Variants in CDYL observed in about 807,000 individuals in gnomAD.
CDYL encodes chromodomain Y like.
CDYL carries 8 observed loss-of-function variants against 47.3 expected under a neutral mutation model. That is an observed-to-expected ratio of 0.17 (90% CI 0.10 to 0.31). The LOEUF is 0.31. Ranked by LOEUF, CDYL falls within the 10% of genes least tolerant of loss-of-function variation. CDYL has a pLI of 1.00. For synonymous variants in CDYL, 266 were observed against 265.0 expected (o/e 1.00, Z -0.04); for missense variants, 471 against 701.4 (o/e 0.67, Z 3.71).
At chr6:4,894,834 C>CGTGTGTGTGTGTGTGTGTGTGT (rs71540834) in intron 2 of CDYL, among the ~76,000 whole-genome samples, 4 of 145,346 alleles carry the variant, frequency 2.8e-5, no homozygotes, top group Admixed American at 1.4e-4. Context: ...CCACAAAAGT[C>CGTGTGTGTGTGTGTGTGTGTGT]GTGTGTGTGT....
At chr6:4,716,058 T>C (rs948903403) in intron 2 of CDYL, among the ~76,000 whole-genome samples, 6 of 151,724 alleles carry the variant, frequency 4.0e-5, no homozygotes, top group African/African-American at 1.5e-4. Flanking sequence ...ACCATCCTGG[T>C]TAACACGGTG....
rs573517468 is a variant in CDYL at position 4,883,284 on chromosome 6, C to T, written c.25-8429C>T. 3.3e-5 allele frequency among the ~76,000 whole-genome samples: 5 copies of T among 152,278 alleles called. 1 individual carries two copies. In the South Asian group the frequency reaches 1.0e-3, roughly 32 times the overall value. On this transcript the variant is annotated intron_variant, in intron 1 of 6. Transcript: ENST00000397588. ...TAATGATCCTTGTCATTCAGAACCA[C>T]CCCTAGAGCCTTCCTCAGGGATGAA...
At chr6:4,922,865 T>TGAGGCACCAC (rs1757757729) in intron 2 of CDYL, among the ~76,000 whole-genome samples, 3 of 152,236 alleles carry the variant, frequency 2.0e-5, no homozygotes, top group African/African-American at 7.2e-5. Context: ...GGGGTGCGTC[T>TGAGGCACCAC]GATCACACAC....
At chr6:4,792,282 A>G (rs1758946208) in intron 1 of CDYL, among the ~76,000 whole-genome samples, 1 of 152,036 alleles carries the variant, frequency 6.6e-6, no homozygotes, top group African/African-American at 2.4e-5. Context: ...AGATCTTGGT[A>G]TATAATAGAT....
chr6:4,725,686 C>T (rs1178480074), intron 2 of CDYL, among the ~76,000 whole-genome samples: 4 of 152,216 alleles, frequency 2.6e-5, no homozygotes, highest in African/African-American at 4.8e-5. Context: ...CCGCGCCTCT[C>T]CCTCCACACC....
intron 1 of CDYL, among the ~76,000 whole-genome samples, chr6:4,860,287 G>A (rs1233609346): frequency 1.3e-5 from 2 of 151,950 alleles, no homozygotes; most frequent in Non-Finnish European, 1.5e-5. Context: ...GTTTCGTTAC[G>A]TGTGTAATGC....
At chr6:4,709,718 A>G (rs1320014646) in intron 1 of CDYL, among the ~76,000 whole-genome samples, 1 of 152,142 alleles carries the variant, frequency 6.6e-6, no homozygotes, top group Non-Finnish European at 1.5e-5. Flanking sequence ...CAGCTTTCAT[A>G]TTCTTCTCAT....
chr6:4,843,162 T>C (rs1760552686), intron 1 of CDYL, among the ~76,000 whole-genome samples: 2 of 152,316 alleles, frequency 1.3e-5, no homozygotes, highest in East Asian at 3.9e-4. Context: ...TTCTAGCTTG[T>C]AGGGTTTCTG....
chr6:4,707,597 T>TA, intron 1 of CDYL, among the ~76,000 whole-genome samples: 1 of 152,324 alleles, frequency 6.6e-6, no homozygotes, highest in East Asian at 1.9e-4. Context: ...TACTGTATTG[T>TA]ATGACCTCCA....
chr6:4,713,208 T>C (rs923173393), intron 1 of CDYL, among the ~76,000 whole-genome samples: 13 of 152,288 alleles, frequency 8.5e-5, no homozygotes, highest in East Asian at 1.9e-4. Flanking sequence ...ACACAGCCAG[T>C]TGGGTCAGAG....
chr6:4,868,179 T>C (rs1315488517), intron 1 of CDYL, among the ~76,000 whole-genome samples: 1 of 151,908 alleles, frequency 6.6e-6, no homozygotes, highest in South Asian at 2.1e-4. Flanking sequence ...CTGTTTCTTA[T>C]TTCTTCAATA....
chr6:4,735,237 G>C (rs1315520426), intron 3 of CDYL, among the ~76,000 whole-genome samples: 4 of 151,414 alleles, frequency 2.6e-5, no homozygotes, highest in Non-Finnish European at 5.9e-5. Context: ...GGTGAGCTGA[G>C]ATTCATTACA....
intron 2 of CDYL, among the ~76,000 whole-genome samples, chr6:4,909,862 C>T (rs941800642): frequency 6.6e-6 from 1 of 151,988 alleles, no homozygotes; most frequent in East Asian, 1.9e-4. Flanking sequence ...CATGAGCCAC[C>T]GCACCTGGCC....
chr6:4,835,420 G>A lies in CDYL; in HGVS notation c.25-56293G>A, dbSNP rs142799821. 7.7e-3 allele frequency among the ~76,000 whole-genome samples: 1,176 copies of A among 152,300 alleles called. 15 individuals carry two copies. The highest frequency in any genetic ancestry group is 0.027 in the African/African-American group (1,131 of 41,558). ...GAACCACGAATGCTGCTGTCTGATC[G>A]TTCCCCTGGAAGTTTTGTCTCAGAG... On this transcript the variant is annotated intron_variant, in intron 1 of 6. Transcript: ENST00000397588.
At chr6:4,866,163 T>TTTTGTTTTCTTCCGGTTGTC in intron 1 of CDYL, among the ~76,000 whole-genome samples, 1 of 152,062 alleles carries the variant, frequency 6.6e-6, no homozygotes, top group South Asian at 2.1e-4. Flanking sequence ...AAACCGGAAT[T>TTTTGTTTTCTTCCGGTTGTC]AAGAGTGGTT....
At chr6:4,708,007 G>C (rs1311882559) in intron 1 of CDYL, among the ~76,000 whole-genome samples, 2 of 150,664 alleles carry the variant, frequency 1.3e-5, no homozygotes, top group East Asian at 3.9e-4. Context: ...TTCTGTGATG[G>C]CATTGTAGTT....
rs571266409 is a variant in CDYL at position 4,903,348 on chromosome 6, G to A, written c.691+10969G>A. Among the ~76,000 whole-genome samples, 22 of 152,292 alleles carry A rather than the reference G, an allele frequency of 1.4e-4. No homozygotes were observed. In the East Asian group the frequency reaches 4.1e-3, roughly 28 times the overall value. ...GGAACTTCTTGAGAGTAAGAACCAA[G>A]ACATTTCGTCCTAGTTTTTCTACTA... On this transcript the variant is annotated intron_variant, in intron 2 of 6. Coordinates refer to ENST00000397588, the MANE Select transcript of CDYL (RefSeq NM_004824.4).
chr6:4,751,203 T>C (rs1351061830), intron 3 of CDYL, among the ~76,000 whole-genome samples: 1 of 152,184 alleles, frequency 6.6e-6, no homozygotes, highest in Middle Eastern at 3.2e-3. Flanking sequence ...AGTTTATTTT[T>C]AAATGGTAGA....
chr6:4,774,072 T>C (rs1363770196), upstream of CDYL, among the ~76,000 whole-genome samples: 1 of 152,170 alleles, frequency 6.6e-6, no homozygotes, highest in African/African-American at 2.4e-5. Context: ...CACAGTACCA[T>C]TACGCACATG....
Sources: allele counts gnomAD v4.1 joint callset (sites outside exome capture counted in the v4.1 genomes callset), GRCh38; gene constraint gnomAD v4.1.1; transcripts MANE v1.5; gene names NCBI Gene and HGNC (gene_info 2026-07-23, HGNC 2026-07-21).